EHD2: variants seen among roughly 807,000 people sequenced by gnomAD.
EHD2 encodes EH domain-containing protein 2.
EHD2 carries 27 observed loss-of-function variants against 41.0 expected under a neutral mutation model. The observed-to-expected ratio is 0.66, with a 90% CI of 0.49 to 0.91. The LOEUF (loss-of-function observed/expected upper bound fraction) is 0.91. Ranked by LOEUF, EHD2 falls within the 40% of genes least tolerant of loss-of-function variation. The probability of loss-of-function intolerance (pLI) is 0.00; values close to 1 mark genes in which losing one functional copy is unlikely to be tolerated. For synonymous variants in EHD2, 342 were observed against 341.0 expected (o/e 1.00, Z -0.03); for missense variants, 673 against 773.9 (o/e 0.87, Z 1.55).
chr19:47,733,087 A>AT (rs976927494), intron 4 of EHD2: 2 of 147,510 alleles, frequency 1.4e-5, no homozygotes, highest in Non-Finnish European at 2.9e-5. Flanking sequence ...CATCTCAAAA[A>AT]AAAAATAAAA....
At chr19:47,727,463 G>A (rs1973764271) in intron 4 of EHD2, among the ~76,000 whole-genome samples, 1 of 152,072 alleles carries the variant, frequency 6.6e-6, no homozygotes, top group South Asian at 2.1e-4. Flanking sequence ...GAACAGACAA[G>A]GTTCCAGCCC....
intron 3 of EHD2, among the ~76,000 whole-genome samples, chr19:47,722,304 A>C (rs1022183390): frequency 3.9e-5 from 6 of 151,956 alleles, no homozygotes; most frequent in African/African-American, 1.4e-4. Context: ...ACACTTTCCG[A>C]ATCTGGGCCA....
chr19:47,717,077 C>G, intron 2 of EHD2, 61 bp downstream of exon 2: 1 of 1,590,100 alleles, frequency 6.3e-7, no homozygotes, highest in Middle Eastern at 1.7e-4. Flanking sequence ...ACAGAGTTTC[C>G]GCTCTTTTCG....
rs779719262 is a variant in EHD2 at position 47,740,868 on chromosome 19, T to TC, written c.1081-8dup. 40 of 1,610,820 alleles carry TC rather than the reference T, an allele frequency of 2.5e-5. 3 individuals are homozygous for TC. In the South Asian group the frequency reaches 4.3e-4, roughly 17 times the overall value. On this transcript the variant is annotated splice_polypyrimidine_tract_variant and intron_variant, in intron 5 of 5. Transcript: ENST00000263277. ...GCCGCTTGAATTCTGGGTGCCCCTG[T>TC]CCCCCACCACAGGAGCTGCTGATGG...
chr19:47,735,489 T>C (rs919620441), intron 4 of EHD2, among the ~76,000 whole-genome samples: 2 of 152,132 alleles, frequency 1.3e-5, no homozygotes, highest in Non-Finnish European at 2.9e-5. Flanking sequence ...TCCCAGCTAC[T>C]TGAGAGGCTG....
At chr19:47,715,401 C>T (rs1034731121) in intron 1 of EHD2, among the ~76,000 whole-genome samples, 3 of 152,106 alleles carry the variant, frequency 2.0e-5, no homozygotes, top group African/African-American at 7.2e-5. Context: ...CTTGCCTGCT[C>T]TTCATGGAGC....
At chr19:47,740,785 C>CT in intron 5 of EHD2, 96 bp from the exon 6 acceptor site, 1 of 1,293,308 alleles carries the variant, frequency 7.7e-7, no homozygotes, top group Non-Finnish European at 1.0e-6. Flanking sequence ...CAACAGCTAC[C>CT]CCCGAGCTTC....
chr19:47,736,586 T>C, intron 5 of EHD2, 53 bp downstream of exon 5: 1 of 1,519,510 alleles, frequency 6.6e-7, no homozygotes, highest in Non-Finnish European at 8.8e-7. Flanking sequence ...GAAGGTTGGT[T>C]TCTGGAAGCT....
chr19:47,731,279 A>AAAAAAATATATATAT, intron 4 of EHD2: 1 of 60,934 alleles, frequency 1.6e-5, no homozygotes, highest in African/African-American at 4.9e-5. Flanking sequence ...AAAAAAAAAA[A>AAAAAAATATATATAT]ATATATATAT....
intron 3 of EHD2, among the ~76,000 whole-genome samples, chr19:47,723,304 C>T (rs995188573): frequency 1.5e-4 from 23 of 152,172 alleles, no homozygotes; most frequent in African/African-American, 5.1e-4. Context: ...GAGTGCTTAC[C>T]GTACATCCAG....
Position 47,716,762 on chromosome 19 carries a change from G to A in EHD2, c.150G>A (p.Leu50=). The A allele has an allele frequency of 6.2e-7, 1 of 1,613,326 alleles. No individual in the cohort carries two copies. Among genetic ancestry groups the A allele is most frequent in the Non-Finnish European group, 8.5e-7 (1 of 1,179,714 alleles). The change falls in exon 2 of 6, where the codon CTG becomes CTA. Residue 50 remains leucine, a synonymous_variant. Coordinates refer to ENST00000263277, the MANE Select transcript of EHD2 (RefSeq NM_014601.4). Reference sequence around the variant, plus strand: ...TTGGGGCCTTCCACTCGCCGGCCCTGGAGGACGCAGACTTCGACGGCAAGC... The same window carrying A: ...TTGGGGCCTTCCACTCGCCGGCCCTAGAGGACGCAGACTTCGACGGCAAGC... ...YRFGAFHSPA[L]EDADFDGKPM...
At chr19:47,732,565 G>A (rs920009469) in intron 4 of EHD2, among the ~76,000 whole-genome samples, 7 of 151,726 alleles carry the variant, frequency 4.6e-5, no homozygotes, top group African/African-American at 2.4e-5. Flanking sequence ...GACTATAGGC[G>A]CGCGCCAGTA....
intron 1 of EHD2, among the ~76,000 whole-genome samples, chr19:47,714,697 G>A (rs1973607580): frequency 6.6e-6 from 1 of 152,024 alleles, no homozygotes; most frequent in Non-Finnish European, 1.5e-5. Context: ...AAGTGATCTT[G>A]GGTAATTTAT....
intron 4 of EHD2, among the ~76,000 whole-genome samples, chr19:47,734,437 A>G (rs1599900580): frequency 6.6e-6 from 1 of 152,170 alleles, no homozygotes; most frequent in African/African-American, 2.4e-5. Context: ...TAACAGGAGG[A>G]AGAATCAAAT....
intron 4 of EHD2, among the ~76,000 whole-genome samples, chr19:47,728,551 C>CTCTTTCTTTT (rs987973216): frequency 1.3e-5 from 2 of 149,768 alleles, no homozygotes; most frequent in Non-Finnish European, 3.0e-5. Context: ...CTTTCTCTTT[C>CTCTTTCTTTT]TCTTTCTTTT....
chr19:47,721,164 G>GGT (rs60140753), intron 3 of EHD2, among the ~76,000 whole-genome samples: 5,499 of 56,996 alleles, frequency 0.096, 188 homozygotes, highest in African/African-American at 0.3. Context: ...TGCTACTGGG[G>GGT]GTGTGTGTGT....
Position 47,734,431 on chromosome 19 carries a change from AGGAG to A in EHD2, c.916-1936_916-1933del. On this transcript the variant is annotated intron_variant, in intron 4 of 5. Transcript: ENST00000263277. ...GATAGGTTGGATGTGGCTACTTAACAGGAGGAAGAATCAAATATCAAATCAATAA... is the reference window on the plus strand; with the variant it reads ...GATAGGTTGGATGTGGCTACTTAACAGAAGAATCAAATATCAAATCAATAA... Among the ~76,000 whole-genome samples, 2 of 152,290 alleles carry A rather than the reference AGGAG, an allele frequency of 1.3e-5. 1 individual carries two copies. Among genetic ancestry groups the A allele is most frequent in the Middle Eastern group, 6.8e-3 (2 of 294 alleles).
In EHD2 at chr19:47,718,402, A is replaced by T. The variant is rs1599886526; in HGVS notation, c.405-107A>T. ...TTCTGTCCGGTGTCTTTCTTCGCCCATAAAGGATGCTTTGCCATGCGGTCC... is the reference window on the plus strand; with the variant it reads ...TTCTGTCCGGTGTCTTTCTTCGCCCTTAAAGGATGCTTTGCCATGCGGTCC... On this transcript the variant is annotated intron_variant, in intron 2 of 5. Transcript: ENST00000263277. 32 of 938,204 alleles carry T rather than the reference A, an allele frequency of 3.4e-5. No homozygotes were observed. The South Asian group carries it at 4.7e-4, about 14-fold the overall frequency. 58.1% of individuals were successfully genotyped at this position (938,204 alleles called of 1,614,324 possible).
intron 3 of EHD2, among the ~76,000 whole-genome samples, chr19:47,722,566 TCTC>T (rs1423809966): frequency 4.7e-5 from 6 of 127,686 alleles, no homozygotes; most frequent in Non-Finnish European, 1.1e-4. Flanking sequence ...CTAACTTCTC[TCTC>T]TTTTTTTTTT....
Sources: gnomAD v4.1 joint callset for allele counts (sites outside exome capture counted in the v4.1 genomes callset) on GRCh38, gnomAD v4.1.1 for gene constraint, MANE v1.5 for transcripts, NCBI Gene and HGNC (gene_info 2026-07-23, HGNC 2026-07-21) for gene names.